The following CHIC1 variants were observed in gnomAD, a reference collection of about 807,000 sequenced individuals.
The protein encoded by CHIC1 is cysteine-rich hydrophobic domain-containing protein 1.
In CHIC1, 7 loss-of-function variants were observed where a neutral mutation model predicts 18.5. The observed-to-expected ratio is 0.38, with a 90% CI of 0.22 to 0.71. The LOEUF is 0.71. CHIC1 is among the 30% of genes least tolerant of loss of function. The pLI, the probability that CHIC1 is intolerant of heterozygous loss-of-function variation, is 0.49. For synonymous variants in CHIC1, 77 were observed against 73.5 expected, an observed-to-expected ratio of 1.05 and a Z score of -0.25; for missense variants, 159 against 176.9, an observed-to-expected ratio of 0.90 and a Z score of 0.57.
intron 3 of CHIC1, among the ~76,000 whole-genome samples, chrX:73,677,396 C>T (rs756456522): frequency 7.1e-5 from 8 of 112,050 alleles, no homozygotes; most frequent in East Asian, 2.9e-4. Flanking sequence ...TCAAGCTTCC[C>T]GGCTGCTTTG....
At chrX:73,644,296 T>G (rs1053916551) in intron 3 of CHIC1, among the ~76,000 whole-genome samples, 1 of 112,108 alleles carries the variant, frequency 8.9e-6, no homozygotes, top group Non-Finnish European at 1.9e-5. Flanking sequence ...CTGCCCCTAC[T>G]GGGGGGTGCC....
chrX:73,662,147 A>T (rs1053449960), intron 3 of CHIC1, among the ~76,000 whole-genome samples: 2 of 110,896 alleles, frequency 1.8e-5, no homozygotes, highest in Admixed American at 1.9e-4. Flanking sequence ...CATGCTCTAT[A>T]TGGCCTGGTA....
chrX:73,657,099 G>A (rs139794355), intron 3 of CHIC1, among the ~76,000 whole-genome samples: 3,993 of 96,342 alleles, frequency 0.041, 109 homozygotes, highest in Non-Finnish European at 0.064. Context: ...TTACTCCATC[G>A]CCCAGACTGG....
At chrX:73,675,721 G>T (rs1188836230) in intron 3 of CHIC1, among the ~76,000 whole-genome samples, 3 of 111,323 alleles carry the variant, frequency 2.7e-5, no homozygotes, top group Non-Finnish European at 5.6e-5. Context: ...GGAGCATTTA[G>T]CCCGTTTACA....
intron 3 of CHIC1, among the ~76,000 whole-genome samples, chrX:73,612,887 C>T (rs1041242061): frequency 1.8e-5 from 2 of 111,809 alleles, no homozygotes; most frequent in African/African-American, 6.5e-5. Flanking sequence ...GATAGATGAT[C>T]TATCTAATGC....
chrX:73,580,736 A>C (rs1043194054), intron 2 of CHIC1, among the ~76,000 whole-genome samples: 8 of 111,126 alleles, frequency 7.2e-5, no homozygotes, highest in African/African-American at 2.6e-4. Flanking sequence ...TGATAGCTAA[A>C]GTAGAAAAAA....
rs752807869 is a variant in CHIC1, at chrX:73,592,648, T to A, written c.507+8076T>A. On this transcript the variant is annotated intron_variant, in intron 3 of 5. Transcript: ENST00000373502. The stretch of plus-strand genomic sequence containing the variant: ...TTTTTGTGTCTATGTTCATCAGGGA[T>A]ATTGGCCTGAAGTTTTTTTTTCATT... 5.4e-5 allele frequency among the ~76,000 whole-genome samples: 6 copies of A among 110,799 alleles called. No homozygotes were observed. In the South Asian group the frequency reaches 2.3e-3, roughly 43 times the overall value.
At chrX:73,643,872 A>G (rs1431006277) in intron 3 of CHIC1, among the ~76,000 whole-genome samples, 3 of 112,109 alleles carry the variant, frequency 2.7e-5, no homozygotes, top group African/African-American at 9.7e-5. Context: ...TCAACTCGTC[A>G]AAGTCATTCT....
chrX:73,685,440 C>A lies in CHIC1; in HGVS notation c.*4435C>A, dbSNP rs1401826730. On this transcript the variant is annotated 3_prime_UTR_variant, in exon 6 of 6. Coordinates refer to ENST00000373502, the MANE Select transcript of CHIC1 (RefSeq NM_001039840.4). ...GGCATTTATGTAAAGATTTCATATC[C>A]TATCCAACATTTACTTTAGTGTCTA... The A allele has an allele frequency of 9.0e-6, 1 of 111,718 alleles. No individual in the cohort carries two copies. The highest frequency in any genetic ancestry group is 2.8e-4 in the East Asian group (1 of 3,575). The allele number at this position is 111,718 out of a possible 1,213,427, so 9.2% of individuals were successfully genotyped here. A position where few individuals can be genotyped will look rare whatever the true frequency, so the allele number is the denominator to read the frequency against.
At chrX:73,636,877 C>T (rs555824788) in intron 3 of CHIC1, among the ~76,000 whole-genome samples, 5 of 110,498 alleles carry the variant, frequency 4.5e-5, no homozygotes, top group African/African-American at 1.3e-4. Context: ...CTAGTGTAGG[C>T]TCACAATTAT....
At chrX:73,627,187 C>A (rs1344294793) in intron 3 of CHIC1, among the ~76,000 whole-genome samples, 1 of 107,375 alleles carries the variant, frequency 9.3e-6, no homozygotes, top group Non-Finnish European at 1.9e-5. Context: ...TCTGAGCCAT[C>A]TAAAGCTGAG....
At chrX:73,656,475 A>G (rs1258335649) in intron 3 of CHIC1, among the ~76,000 whole-genome samples, 1 of 111,738 alleles carries the variant, frequency 8.9e-6, no homozygotes, top group Non-Finnish European at 1.9e-5. Flanking sequence ...GTTGATTTTT[A>G]TATATGGTAT....
intron 3 of CHIC1, among the ~76,000 whole-genome samples, chrX:73,631,543 G>A (rs764983186): frequency 9.1e-6 from 1 of 110,101 alleles, no homozygotes; most frequent in East Asian, 2.9e-4. Flanking sequence ...TGAGGCAGGA[G>A]AATCACTTGA....
chrX:73,670,902 C>T (rs867604447), intron 3 of CHIC1, among the ~76,000 whole-genome samples: 2 of 111,638 alleles, frequency 1.8e-5, no homozygotes, highest in Admixed American at 9.5e-5. Context: ...GATTTTCTTA[C>T]ATTTGAGACA....
intron 2 of CHIC1, among the ~76,000 whole-genome samples, chrX:73,580,683 A>G (rs2057522451): frequency 9.0e-6 from 1 of 110,967 alleles, no homozygotes; most frequent in South Asian, 3.7e-4. Context: ...TAAATTCCAG[A>G]CTTAACAGCT....
chrX:73,651,343 C>CT (rs778324970), intron 3 of CHIC1, among the ~76,000 whole-genome samples: 1 of 110,466 alleles, frequency 9.1e-6, no homozygotes. Flanking sequence ...TCTCTCACCA[C>CT]TTTTTTTTCA....
intron 3 of CHIC1, among the ~76,000 whole-genome samples, chrX:73,658,481 G>T (rs2057963001): frequency 9.3e-6 from 1 of 107,084 alleles, no homozygotes; most frequent in Non-Finnish European, 1.9e-5. Context: ...GGTCAGTGGT[G>T]TTATTTTCCT....
rs2057634191 is a variant in CHIC1, at chrX:73,599,901, T to A, written c.507+15329T>A. On this transcript the variant is annotated intron_variant, in intron 3 of 5. Transcript: ENST00000373502. ...ATTGGTAGCTTGATGGGGATGGCAT[T>A]GAATCTGTAAATTACCTTGGGCAGT... 2.0e-5 allele frequency among the ~76,000 whole-genome samples: 2 copies of A among 98,792 alleles called. 1 individual carries two copies. The highest frequency in any genetic ancestry group is 2.1e-4 in the Admixed American group (2 of 9,309). The allele number at this position is 98,792 out of a possible 115,157, so 85.8% of individuals were successfully genotyped here.
intron 3 of CHIC1, among the ~76,000 whole-genome samples, chrX:73,647,751 G>A (rs1374577550): frequency 8.9e-6 from 1 of 112,562 alleles, no homozygotes; most frequent in Non-Finnish European, 1.9e-5. Flanking sequence ...CATGGCCACA[G>A]TCTCTGTGGA....
Sources: allele counts gnomAD v4.1 joint callset (sites outside exome capture counted in the v4.1 genomes callset), GRCh38; gene constraint gnomAD v4.1.1; transcripts MANE v1.5; gene names NCBI Gene and HGNC (gene_info 2026-07-23, HGNC 2026-07-21).